The following GNAQ variants were observed in gnomAD, a reference collection of about 807,000 sequenced individuals.
The protein encoded by GNAQ is G protein subunit alpha q, also known as guanine nucleotide-binding protein G(q) subunit alpha.
GNAQ carries 8 observed loss-of-function variants against 43.9 expected under a neutral mutation model. The observed-to-expected ratio is 0.18, with a 90% CI of 0.11 to 0.33. The LOEUF is 0.33. Ranked by LOEUF, GNAQ falls within the 10% of genes least tolerant of loss-of-function variation. The pLI, the probability that GNAQ is intolerant of heterozygous loss-of-function variation, is 1.00. For missense variants in GNAQ, 158 were observed against 450.8 expected (o/e 0.35, Z 5.88); for synonymous variants, 155 against 170.7 (o/e 0.91, Z 0.71).
intron 1 of GNAQ, among the ~76,000 whole-genome samples, chr9:77,985,807 C>CA (rs952639364): frequency 6.6e-6 from 1 of 152,074 alleles, no homozygotes; most frequent in African/African-American, 2.4e-5. Flanking sequence ...AGGCTGGTCT[C>CA]AAACTCCTGA....
chr9:77,982,419 G>C (rs904589721), intron 1 of GNAQ, among the ~76,000 whole-genome samples: 2 of 152,136 alleles, frequency 1.3e-5, no homozygotes, highest in Non-Finnish European at 2.9e-5. Context: ...TGGGAATAAT[G>C]TTATAGGCTT....
intron 2 of GNAQ, among the ~76,000 whole-genome samples, chr9:77,858,393 C>T (rs1431722347): frequency 6.6e-6 from 1 of 152,060 alleles, no homozygotes; most frequent in Non-Finnish European, 1.5e-5. Flanking sequence ...TTTCTGTTGC[C>T]CCAATCAGCC....
chr9:77,821,461 T>C (rs115481020), intron 2 of GNAQ, among the ~76,000 whole-genome samples: 74 of 152,310 alleles, frequency 4.9e-4, no homozygotes, highest in African/African-American at 1.7e-3. Flanking sequence ...ATTTGGTTCT[T>C]TGCTTAACAT....
At chr9:77,983,218 G>GTTCTA (rs1394079875) in intron 1 of GNAQ, among the ~76,000 whole-genome samples, 1 of 152,172 alleles carries the variant, frequency 6.6e-6, no homozygotes, top group African/African-American at 2.4e-5. Context: ...CTCGTGCATG[G>GTTCTA]TGATAACATT....
At chr9:77,854,060 C>T (rs1827714999) in intron 2 of GNAQ, among the ~76,000 whole-genome samples, 1 of 152,104 alleles carries the variant, frequency 6.6e-6, no homozygotes, top group African/African-American at 2.4e-5. Context: ...AAATATAGAT[C>T]CATTATTTCA....
chr9:77,884,261 G>A (rs1333334181), intron 2 of GNAQ, among the ~76,000 whole-genome samples: 2 of 152,222 alleles, frequency 1.3e-5, no homozygotes, highest in African/African-American at 2.4e-5. Flanking sequence ...CCCTGTGGGG[G>A]TGTGAAGGCT....
At chr9:77,907,595 T>C (rs1197320909) in intron 2 of GNAQ, among the ~76,000 whole-genome samples, 3 of 152,208 alleles carry the variant, frequency 2.0e-5, no homozygotes, top group African/African-American at 7.2e-5. Context: ...TTTAAGTCGA[T>C]GTGAAGTGTG....
chr9:77,920,095 C>T (rs749597012), intron 2 of GNAQ, among the ~76,000 whole-genome samples: 53 of 151,596 alleles, frequency 3.5e-4, no homozygotes, highest in South Asian at 2.5e-3. Context: ...GCTGAGATCG[C>T]GCCACTGCAC....
chr9:77,887,784 T>C (rs779067693), intron 2 of GNAQ, among the ~76,000 whole-genome samples: 4 of 152,244 alleles, frequency 2.6e-5, no homozygotes, highest in African/African-American at 4.8e-5. Flanking sequence ...ACATATAACA[T>C]GTTTTTAATA....
At chr9:78,002,285 G>T (rs942647012) in intron 1 of GNAQ, among the ~76,000 whole-genome samples, 2 of 152,116 alleles carry the variant, frequency 1.3e-5, no homozygotes, top group East Asian at 1.9e-4. Context: ...TATACCAGTT[G>T]TCAAAGATTG....
intron 1 of GNAQ, among the ~76,000 whole-genome samples, chr9:77,987,522 G>A (rs1823456406): frequency 1.3e-5 from 2 of 152,168 alleles, no homozygotes; most frequent in African/African-American, 4.8e-5. Flanking sequence ...GTAACACTAT[G>A]TCCTTGTGAA....
At chr9:77,970,509 G>A (rs547843661) in intron 1 of GNAQ, among the ~76,000 whole-genome samples, 9 of 152,230 alleles carry the variant, frequency 5.9e-5, no homozygotes, top group African/African-American at 1.9e-4. Context: ...TTCCCATTCT[G>A]CCTATTCATC....
At chr9:77,921,692 C>T (rs147159570) in intron 2 of GNAQ, among the ~76,000 whole-genome samples, 1 of 152,074 alleles carries the variant, frequency 6.6e-6, no homozygotes, top group Non-Finnish European at 1.5e-5. Flanking sequence ...TCAAATGAAG[C>T]CTGTGGTACT....
chr9:77,972,293 C>T (rs1026501230), intron 1 of GNAQ, among the ~76,000 whole-genome samples: 2 of 152,044 alleles, frequency 1.3e-5, no homozygotes, highest in African/African-American at 2.4e-5. Flanking sequence ...TAATCGTGCA[C>T]GCACCATGGC....
chr9:77,928,158 T>C (rs1406063136), intron 1 of GNAQ, among the ~76,000 whole-genome samples: 1 of 152,232 alleles, frequency 6.6e-6, no homozygotes, highest in Non-Finnish European at 1.5e-5. Context: ...TTCCAGGCTA[T>C]ATCTACTTTA....
At chr9:77,929,067 A>G (rs1829110069) in intron 1 of GNAQ, among the ~76,000 whole-genome samples, 1 of 152,210 alleles carries the variant, frequency 6.6e-6, no homozygotes, top group African/African-American at 2.4e-5. Context: ...AAATATCTCA[A>G]TTTAAAAATT....
chr9:77,757,495 GA>G (rs1181673815), intron 5 of GNAQ, among the ~76,000 whole-genome samples: 52 of 152,254 alleles, frequency 3.4e-4, no homozygotes, highest in Middle Eastern at 3.4e-3. Flanking sequence ...CTTCCTGTTA[GA>G]AAGAAAACTA....
At chr9:77,950,657 C>G (rs1489551675) in intron 1 of GNAQ, among the ~76,000 whole-genome samples, 2 of 152,230 alleles carry the variant, frequency 1.3e-5, no homozygotes, top group Non-Finnish European at 2.9e-5. Context: ...TCTGTGCCAT[C>G]TGAAATTTTA....
intron 2 of GNAQ, among the ~76,000 whole-genome samples, chr9:77,921,114 G>T (rs1828990427): frequency 6.6e-6 from 1 of 152,208 alleles, no homozygotes; most frequent in Non-Finnish European, 1.5e-5. Context: ...TATAAATGCA[G>T]TGTTTTATCA....
Sources: gnomAD v4.1 joint callset for allele counts (sites outside exome capture counted in the v4.1 genomes callset) on GRCh38, gnomAD v4.1.1 for gene constraint, MANE v1.5 for transcripts, NCBI Gene and HGNC (gene_info 2026-07-23, HGNC 2026-07-21) for gene names.